The following GPR107 variants were observed in gnomAD, a reference collection of about 807,000 sequenced individuals.
GPR107 encodes protein GPR107.
GPR107 carries 31 observed loss-of-function variants against 75.5 expected under a neutral mutation model. That is an observed-to-expected ratio of 0.41 (90% confidence interval 0.31 to 0.55). The LOEUF (loss-of-function observed/expected upper bound fraction) is 0.55, where lower values mean the gene tolerates loss of function less well. GPR107 is among the 20% of genes least tolerant of loss of function. GPR107 has a pLI of 0.26. For missense variants in GPR107, 572 were observed against 665.7 expected, an observed-to-expected ratio of 0.86 and a Z score of 1.55; for synonymous variants, 267 against 251.3, an observed-to-expected ratio of 1.06 and a Z score of -0.59.
chr9:130,109,861 G>A (rs535830724), intron 14 of GPR107, among the ~76,000 whole-genome samples: 4 of 152,334 alleles, frequency 2.6e-5, no homozygotes, highest in Admixed American at 6.5e-5. Context: ...GAGCCCCCGC[G>A]CCCGGCTAGG....
chr9:130,107,282 A>G (rs1791920276), intron 13 of GPR107, among the ~76,000 whole-genome samples: 3 of 152,058 alleles, frequency 2.0e-5, no homozygotes, highest in Admixed American at 2.0e-4. Flanking sequence ...ACTTATTGCC[A>G]CAGATTTGGC....
chr9:130,128,808 A>T, intron 17 of GPR107, 47 bp downstream of exon 17: 1 of 1,589,838 alleles, frequency 6.3e-7, no homozygotes, highest in Non-Finnish European at 8.6e-7. Context: ...CCCTTTGCCT[A>T]ACACAAAGCA....
intron 1 of GPR107, among the ~76,000 whole-genome samples, chr9:130,062,971 C>T (rs1423592006): frequency 6.6e-6 from 1 of 152,138 alleles, no homozygotes; most frequent in African/African-American, 2.4e-5. Flanking sequence ...CTCAAGCACT[C>T]CTACCACCTT....
intron 9 of GPR107, among the ~76,000 whole-genome samples, chr9:130,093,996 G>C (rs1159886102): frequency 6.6e-6 from 1 of 151,980 alleles, no homozygotes; most frequent in Non-Finnish European, 1.5e-5. Context: ...TATATTTTTA[G>C]TAGAGACGGG....
chr9:130,118,847 G>T (rs986276763), intron 14 of GPR107, among the ~76,000 whole-genome samples: 4 of 152,208 alleles, frequency 2.6e-5, no homozygotes, highest in African/African-American at 7.2e-5. Context: ...GGAGGTCGAT[G>T]CCTGGAGACA....
At chr9:130,083,739 G>A (rs1830546000) in intron 6 of GPR107, 137 bp downstream of exon 6, 1 of 450,596 alleles carries the variant, frequency 2.2e-6, no homozygotes, top group African/African-American at 2.0e-5. Context: ...GTCGTCCCTT[G>A]GTGACCACAG....
rs570541686 is a variant in GPR107 at position 130,106,490 on chromosome 9, G to A, written c.1263-1006G>A. 7.2e-5 allele frequency among the ~76,000 whole-genome samples: 11 copies of A among 151,854 alleles called. No homozygotes were observed. The East Asian group carries it at 1.9e-3, about 27-fold the overall frequency. ...CATGTGCCTGTAGTCCCAGCTACTCGGGAGGCTGAGGCAGGAGAATTGCTT... is the reference window on the plus strand; with the variant it reads ...CATGTGCCTGTAGTCCCAGCTACTCAGGAGGCTGAGGCAGGAGAATTGCTT... On this transcript the variant is annotated intron_variant, in intron 13 of 17. Transcript: ENST00000347136.
chr9:130,116,144 T>C (rs1324580446), intron 14 of GPR107, among the ~76,000 whole-genome samples: 1 of 152,178 alleles, frequency 6.6e-6, no homozygotes, highest in Non-Finnish European at 1.5e-5. Context: ...GAAGCAGTCT[T>C]GTCTTGGACA....
intron 9 of GPR107, among the ~76,000 whole-genome samples, chr9:130,094,156 A>G (rs1020625561): frequency 3.3e-5 from 5 of 151,746 alleles, no homozygotes; most frequent in African/African-American, 1.2e-4. Context: ...AAAATTATCC[A>G]GTTGTGGGCT....
chr9:130,122,070 T>G (rs1005477252), intron 14 of GPR107, among the ~76,000 whole-genome samples: 1 of 152,056 alleles, frequency 6.6e-6, no homozygotes, highest in African/African-American at 2.4e-5. Context: ...TTTTGTAATT[T>G]TAGTAGAGAC....
At chr9:130,121,338 A>G (rs1430957556) in intron 14 of GPR107, among the ~76,000 whole-genome samples, 2 of 152,256 alleles carry the variant, frequency 1.3e-5, no homozygotes, top group East Asian at 3.9e-4. Flanking sequence ...TAAAAAAGAA[A>G]AATAAAATAA....
At chr9:130,067,538 T>C (rs1367940632) in intron 1 of GPR107, among the ~76,000 whole-genome samples, 1 of 152,122 alleles carries the variant, frequency 6.6e-6, no homozygotes, top group African/African-American at 2.4e-5. Flanking sequence ...AGACAGCCCG[T>C]TTGCCAGCAG....
intron 5 of GPR107, among the ~76,000 whole-genome samples, chr9:130,080,720 C>T (rs1430031390): frequency 2.7e-5 from 4 of 150,770 alleles, no homozygotes; most frequent in Non-Finnish European, 5.9e-5. Context: ...CTCGATCTCC[C>T]GACCTCGTGA....
chr9:130,076,089 A>G (rs1830343002), intron 2 of GPR107, among the ~76,000 whole-genome samples: 1 of 152,026 alleles, frequency 6.6e-6, no homozygotes, highest in African/African-American at 2.4e-5. Context: ...CCAGGGGTTT[A>G]CTCTTTTAGC....
At chr9:130,059,647 A>C (rs1286319605) in intron 1 of GPR107, among the ~76,000 whole-genome samples, 1 of 152,188 alleles carries the variant, frequency 6.6e-6, no homozygotes, top group African/African-American at 2.4e-5. Context: ...ATCAGATTCA[A>C]ATTTTCATTG....
At chr9:130,082,843 C>T (rs1261672098) in intron 5 of GPR107, among the ~76,000 whole-genome samples, 2 of 152,012 alleles carry the variant, frequency 1.3e-5, no homozygotes, top group East Asian at 3.9e-4. Context: ...AAGCCATTAG[C>T]AATCTTCTTG....
At chr9:130,094,520 CTA>C (rs1830816522) in intron 9 of GPR107, among the ~76,000 whole-genome samples, 1 of 151,952 alleles carries the variant, frequency 6.6e-6, no homozygotes, top group Non-Finnish European at 1.5e-5. Flanking sequence ...CTGTAGTGAA[CTA>C]TGTTTGTGCC....
intron 14 of GPR107, among the ~76,000 whole-genome samples, chr9:130,123,530 CTTTTTTT>C (rs57730952): frequency 7.9e-6 from 1 of 127,154 alleles, no homozygotes; most frequent in Admixed American, 8.0e-5. Context: ...CTTTTCTTTT[CTTTTTTT>C]TTTTTTTTTT....
chr9:130,128,598 G>GT, intron 16 of GPR107, 42 bp from the exon 17 acceptor site: 1 of 1,558,482 alleles, frequency 6.4e-7, no homozygotes, highest in African/African-American at 1.4e-5. Flanking sequence ...GAAGAACAGT[G>GT]TTGCTAATCT....
Sources: gnomAD v4.1 joint callset for allele counts (sites outside exome capture counted in the v4.1 genomes callset) on GRCh38, gnomAD v4.1.1 for gene constraint, MANE v1.5 for transcripts, NCBI Gene and HGNC (gene_info 2026-07-23, HGNC 2026-07-21) for gene names.